Variants in BRD3 observed in about 807,000 individuals in gnomAD.
BRD3 encodes the protein bromodomain-containing protein 3.
BRD3 carries 17 observed loss-of-function variants against 66.8 expected under a neutral mutation model. The observed-to-expected ratio is 0.25, with a 90% CI of 0.17 to 0.38. The LOEUF (loss-of-function observed/expected upper bound fraction) is 0.38, where lower values mean the gene tolerates loss of function less well. BRD3 is among the 10% of genes least tolerant of loss of function. The pLI is 1.00. For missense variants in BRD3, 713 were observed against 956.1 expected, an observed-to-expected ratio of 0.75 and a Z score of 3.35; for synonymous variants, 421 against 393.2, an observed-to-expected ratio of 1.07 and a Z score of -0.84.
intron 2 of BRD3, 57 bp downstream of exon 2, chr9:134,053,208 G>T (rs1176369536): frequency 2.5e-6 from 4 of 1,577,706 alleles, no homozygotes; most frequent in Non-Finnish European, 3.5e-6. Context: ...GCAGCAGGAG[G>T]GGGACAGAGG....
In BRD3 at chr9:134,045,432, C is replaced by CAGT. The variant is rs763124853; in HGVS notation, c.1087-14_1087-12dup. 1 of 1,613,294 alleles carries CAGT rather than the reference C, an allele frequency of 6.2e-7. No homozygotes were observed. The highest frequency in any genetic ancestry group is 2.2e-5 in the East Asian group (1 of 44,872). On this transcript the variant is annotated splice_polypyrimidine_tract_variant and intron_variant, in intron 6 of 11. Transcript: ENST00000303407. The surrounding 1 kb of genome is among the most constrained non-coding windows in gnomAD (Gnocchi z 4.8). Reference sequence around the variant, plus strand: ...GCCATCCATCTTCCTCTGCAACACACAGTGACAGGGGCCAGTGAGCGTGGC... The same window carrying CAGT: ...GCCATCCATCTTCCTCTGCAACACACAGTAGTGACAGGGGCCAGTGAGCGTGGC...
intron 1 of BRD3, chr9:134,058,130 G>A (rs148709760): frequency 0.016 from 2,506 of 152,394 alleles, 23 homozygotes; most frequent in Non-Finnish European, 0.026. Context: ...GTCGTCTACC[G>A]AGTGCTTCCC....
At chr9:134,056,115 A>C (rs1830419304) in intron 1 of BRD3, 1 of 152,232 alleles carries the variant, frequency 6.6e-6, no homozygotes, top group Non-Finnish European at 1.5e-5. Context: ...GCACCAGCCC[A>C]CGAGCCACGG....
intron 9 of BRD3, chr9:134,036,730 C>T (rs987895450): frequency 3.1e-5 from 26 of 832,022 alleles, no homozygotes; most frequent in Non-Finnish European, 3.7e-5. Context: ...GGTCTAGGGC[C>T]GGGCGCGGTG....
In BRD3 at chr9:134,053,438, C is replaced by T. The variant is rs746025520; in HGVS notation, c.40G>A (p.Ala14Thr). 6.2e-7 allele frequency: 1 copy of T among 1,610,056 alleles called. No individual in the cohort carries two copies. The highest frequency in any genetic ancestry group is 8.5e-7 in the Non-Finnish European group (1 of 1,179,396). ...GGTGGGTTCACAGGGCCCGGGGTCG[C>T]CGGGATCCCCGCGGGGGCGACTGTC... ...ATTVAPAGIP[A>T]TPGPVNPPPP... is the part of the protein sequence containing the mutation. The change falls in exon 2 of 12, where the codon GCG (alanine) becomes ACG (threonine). Residue 14 changes from alanine (A) to threonine (T), a missense_variant. Ala to Thr is a moderately conservative substitution (Grantham distance 58). Around this residue, in one of 5 missense-constraint regions of BRD3, gnomAD observed 48 missense variants for 42.5 expected, o/e 1.13. Coordinates refer to ENST00000303407, the MANE Select transcript of BRD3 (RefSeq NM_007371.4).
chr9:134,045,154 G>A lies in BRD3; in HGVS notation c.1215+139C>T, dbSNP rs1047500275. 2.8e-5 allele frequency: 35 copies of A among 1,255,176 alleles called. No individual in the cohort carries two copies. The highest frequency in any genetic ancestry group is 4.5e-5 in the African/African-American group (3 of 66,236). 77.8% of individuals were successfully genotyped at this position (1,255,176 alleles called of 1,614,324 possible). On this transcript the variant is annotated intron_variant, in intron 7 of 11. Transcript: ENST00000303407. The surrounding 1 kb of genome is among the most constrained non-coding windows in gnomAD (Gnocchi z 4.8). ...CCTGACAGGGACCTGGTTGGCACTC[G>A]GGAAAAAGGTGTTGAGGGAATGAGG...
intron 1 of BRD3, among the ~76,000 whole-genome samples, chr9:134,063,326 C>T (rs918254016): frequency 5.9e-5 from 9 of 152,214 alleles, no homozygotes; most frequent in African/African-American, 2.2e-4. Flanking sequence ...TGCCTCCTAC[C>T]CAGCCCCTGG....
At chr9:134,059,342 C>T (rs1426928201) in intron 1 of BRD3, among the ~76,000 whole-genome samples, 2 of 152,222 alleles carry the variant, frequency 1.3e-5, no homozygotes, top group East Asian at 1.9e-4. Flanking sequence ...TGCCTTGCAC[C>T]CACTCTCCAC....
intron 1 of BRD3, 77 bp downstream of exon 1, chr9:134,067,868 C>CCCCGG (rs1554831086): frequency 6.9e-6 from 1 of 144,484 alleles, no homozygotes; most frequent in Non-Finnish European, 1.5e-5. Flanking sequence ...GGGCCGCGCT[C>CCCCGG]CCCGGCCCAG....
chr9:134,058,961 C>T (rs891119531), intron 1 of BRD3, among the ~76,000 whole-genome samples: 4 of 152,174 alleles, frequency 2.6e-5, no homozygotes, highest in Non-Finnish European at 2.9e-5. Flanking sequence ...TGCCTTGGGC[C>T]GGTGTGCTGG....
chr9:134,036,577 G>A, intron 9 of BRD3: 2 of 1,610,000 alleles, frequency 1.2e-6, no homozygotes, highest in Non-Finnish European at 8.5e-7. Context: ...AACTCCACAG[G>A]TCAAGAAATG....
At chr9:134,040,826 TCC>T (rs1830027912) in intron 8 of BRD3, among the ~76,000 whole-genome samples, 3 of 152,200 alleles carry the variant, frequency 2.0e-5, no homozygotes, top group Admixed American at 1.3e-4. Flanking sequence ...GTTAAAACAA[TCC>T]ACTGCCAGCA....
intron 1 of BRD3, among the ~76,000 whole-genome samples, chr9:134,063,224 G>A (rs187311837): frequency 2.6e-5 from 4 of 152,348 alleles, no homozygotes; most frequent in Non-Finnish European, 5.9e-5. Context: ...CTGTTGCCGG[G>A]ACAGACCGGA....
chr9:134,050,700 C>T (rs958699550), intron 4 of BRD3, 112 bp from the exon 5 acceptor site: 12 of 856,004 alleles, frequency 1.4e-5, no homozygotes, highest in Non-Finnish European at 2.2e-5. Flanking sequence ...GCTGCCAAGA[C>T]CGCCGGCCAG....
At chr9:134,042,792 TACACACACAC>T (rs58646444) in intron 7 of BRD3, among the ~76,000 whole-genome samples, 29 of 147,890 alleles carry the variant, frequency 2.0e-4, no homozygotes, top group East Asian at 9.9e-4. Context: ...TACACAAATA[TACACACACAC>T]ACACACACAC....
intron 1 of BRD3, among the ~76,000 whole-genome samples, chr9:134,061,624 G>A (rs1830545738): frequency 6.6e-6 from 1 of 152,150 alleles, no homozygotes; most frequent in South Asian, 2.1e-4. Flanking sequence ...TGACTGGATG[G>A]CCCCCACTGG....
intron 8 of BRD3, among the ~76,000 whole-genome samples, chr9:134,040,915 T>C (rs536165545): frequency 4.6e-5 from 7 of 152,238 alleles, no homozygotes; most frequent in Admixed American, 3.9e-4. Flanking sequence ...GCCACCTCCA[T>C]GGGAGAGGCC....
chr9:134,050,432 G>C lies in BRD3; in HGVS notation c.656C>G (p.Pro219Arg). The C allele has an allele frequency of 6.2e-7, 1 of 1,612,258 alleles. No individual in the cohort carries two copies. The change falls in exon 5 of 12, where the codon CCA becomes CGA. Residue 219 changes from proline to arginine, a missense_variant. Physicochemically the swap from Pro to Arg is moderately radical, Grantham distance 103 (BLOSUM62 -2). Around this residue, in one of 5 missense-constraint regions of BRD3, gnomAD observed 120 missense variants for 122.8 expected, o/e 0.98. Coordinates refer to ENST00000303407, the MANE Select transcript of BRD3 (RefSeq NM_007371.4). The part of the protein sequence containing the change: ...TSVPVPPAAA[P>R]PPPATPIVPV... Reference sequence around the variant, plus strand: ...GACGATGGGTGTGGCAGGAGGAGGTGGGGCGGCAGCTGGGGGGACTGGGAC... The same window carrying C: ...GACGATGGGTGTGGCAGGAGGAGGTCGGGCGGCAGCTGGGGGGACTGGGAC...
chr9:134,034,606 C>T, intron 11 of BRD3, 95 bp downstream of exon 11: 1 of 1,518,302 alleles, frequency 6.6e-7, no homozygotes, highest in South Asian at 1.2e-5. Context: ...GGAGGTAAGC[C>T]ACACTCAGAC....
Sources: gnomAD v4.1 joint callset for allele counts (sites outside exome capture counted in the v4.1 genomes callset) on GRCh38, gnomAD v4.1.1 for gene constraint, gnomAD v4.1.1 regional missense constraint, Gnocchi (gnomAD v3.1) non-coding constraint, MANE v1.5 for transcripts, NCBI Gene and HGNC (gene_info 2026-07-23, HGNC 2026-07-21) for gene names.